The following GADL1 variants were observed in gnomAD, a reference collection of about 807,000 sequenced individuals.
GADL1 encodes GAD like acidic amino acid decarboxylase 1.
GADL1 carries 71 observed loss-of-function variants against 69.5 expected under a neutral mutation model. The ratio of observed to expected loss-of-function variants is 1.02; its 90% CI spans 0.84 to 1.25. The LOEUF (loss-of-function observed/expected upper bound fraction) is 1.25. Among genes scored for constraint, GADL1 ranks in the 50% most tolerant of loss-of-function variants. GADL1 has a pLI of 0.00. For synonymous variants in GADL1, 254 were observed against 214.4 expected (o/e 1.18, Z -1.62); for missense variants, 737 against 631.8 (o/e 1.17, Z -1.79).
chr3:30,863,101 T>G (rs762697643), intron 1 of GADL1, among the ~76,000 whole-genome samples: 5 of 151,776 alleles, frequency 3.3e-5, no homozygotes, highest in Non-Finnish European at 7.4e-5. Context: ...TCGTAATTTG[T>G]CAGGGATACC....
At chr3:30,747,912 C>G (rs909811664) in intron 14 of GADL1, among the ~76,000 whole-genome samples, 2 of 152,172 alleles carry the variant, frequency 1.3e-5, no homozygotes, top group African/African-American at 2.4e-5. Flanking sequence ...ACTAGGGCCA[C>G]TAATGATGAG....
intron 1 of GADL1, among the ~76,000 whole-genome samples, chr3:30,867,204 C>A (rs1235799488): frequency 6.6e-6 from 1 of 151,788 alleles, no homozygotes; most frequent in African/African-American, 2.4e-5. Context: ...AGCCTAGGAT[C>A]TAAAATTTCA....
At chr3:30,819,728 A>G (rs1302343583) in intron 11 of GADL1, among the ~76,000 whole-genome samples, 1 of 152,148 alleles carries the variant, frequency 6.6e-6, no homozygotes, top group Non-Finnish European at 1.5e-5. Context: ...AAGAAAAGTA[A>G]TTGGAAAAAA....
At chr3:30,820,095 T>C (rs1304549797) in intron 11 of GADL1, among the ~76,000 whole-genome samples, 1 of 151,888 alleles carries the variant, frequency 6.6e-6, no homozygotes, top group African/African-American at 2.4e-5. Flanking sequence ...ATTATGTACA[T>C]GGAGGCAAAA....
At chr3:30,787,209 C>A (rs1393133697) in intron 12 of GADL1, among the ~76,000 whole-genome samples, 2 of 144,442 alleles carry the variant, frequency 1.4e-5, no homozygotes, top group Admixed American at 6.8e-5. Flanking sequence ...AAAAAAATTA[C>A]CTGAATATGA....
rs373300166 is a variant in GADL1, at chr3:30,844,207, C to T, written c.786+3G>A. 734 of 1,611,426 alleles carry T rather than the reference C, an allele frequency of 4.6e-4. No individual in the cohort carries two copies. The highest frequency in any genetic ancestry group is 5.9e-4 in the Non-Finnish European group (698 of 1,178,534). ...CTCTCCCTCTCGCTTTCTCCCCTCT[C>T]ACCTCTTTTCTGGCTTGCCAGACTT... On this transcript the variant is annotated splice_donor_region_variant and intron_variant, in intron 8 of 14. Transcript: ENST00000282538.
At chr3:30,829,107 G>T (rs905635033) in intron 11 of GADL1, among the ~76,000 whole-genome samples, 2 of 151,752 alleles carry the variant, frequency 1.3e-5, no homozygotes, top group African/African-American at 4.8e-5. Context: ...TTAGATCAAA[G>T]CATCAAAACT....
chr3:30,762,866 T>TAAAG lies in GADL1; in HGVS notation c.1392+15312_1392+15313insCTTT, dbSNP rs1283951380. On this transcript the variant is annotated intron_variant, in intron 14 of 14. Transcript: ENST00000282538. ...TAGTCTTTCTTTTCCTTGCTTTATT[T>TAAAG]CACTTAACATTACAATCTCCAGTTC... Among the ~76,000 whole-genome samples, 13 of 152,214 alleles carry TAAAG rather than the reference T, an allele frequency of 8.5e-5. 1 individual carries two copies. Among genetic ancestry groups the TAAAG allele is most frequent in the African/African-American group, 3.1e-4 (13 of 41,452 alleles).
intron 11 of GADL1, among the ~76,000 whole-genome samples, chr3:30,829,288 T>C (rs937096178): frequency 2.0e-5 from 3 of 151,886 alleles, no homozygotes; most frequent in Admixed American, 6.6e-5. Context: ...GCATCAGCTG[T>C]GCTTTGTTCC....
At chr3:30,869,751 C>T (rs1377027237) in intron 1 of GADL1, among the ~76,000 whole-genome samples, 2 of 151,720 alleles carry the variant, frequency 1.3e-5, no homozygotes, top group African/African-American at 4.8e-5. Context: ...CTCATACTTT[C>T]ATGAGATAGT....
At chr3:30,799,410 T>C (rs1354114583) in intron 12 of GADL1, 2 of 152,246 alleles carry the variant, frequency 1.3e-5, no homozygotes, top group African/African-American at 2.4e-5. Context: ...CTTTTAGCAA[T>C]GGCTGGAGCA....
chr3:30,761,470 G>GGA (rs756906627), intron 14 of GADL1, among the ~76,000 whole-genome samples: 1 of 124,054 alleles, frequency 8.1e-6, no homozygotes, highest in Non-Finnish European at 1.8e-5. Flanking sequence ...AGAACCTGGG[G>GGA]GATAGATATG....
chr3:30,846,962 C>A (rs1432661825), intron 6 of GADL1, among the ~76,000 whole-genome samples: 5 of 152,168 alleles, frequency 3.3e-5, no homozygotes, highest in African/African-American at 9.6e-5. Flanking sequence ...GAGGAGCTAG[C>A]CCATTGATTA....
chr3:30,781,457 TAATA>T (rs1203840496), intron 13 of GADL1, among the ~76,000 whole-genome samples: 1 of 152,200 alleles, frequency 6.6e-6, no homozygotes. Flanking sequence ...TATTCTGTTT[TAATA>T]AATGTAAATG....
chr3:30,761,336 T>C (rs1175026255), intron 14 of GADL1, among the ~76,000 whole-genome samples: 2 of 152,070 alleles, frequency 1.3e-5, no homozygotes, highest in Non-Finnish European at 2.9e-5. Context: ...ATTGGTGAAT[T>C]CTAGACACAA....
intron 14 of GADL1, among the ~76,000 whole-genome samples, chr3:30,756,336 A>T (rs1695968525): frequency 6.6e-6 from 1 of 152,212 alleles, no homozygotes; most frequent in Non-Finnish European, 1.5e-5. Flanking sequence ...ATTCGTTGCC[A>T]AGTCCAAGTG....
intron 14 of GADL1, among the ~76,000 whole-genome samples, chr3:30,774,118 A>G (rs1696480309): frequency 6.6e-6 from 1 of 152,132 alleles, no homozygotes; most frequent in Non-Finnish European, 1.5e-5. Context: ...ATGGTACAAC[A>G]TTCCTAGGGA....
At chr3:30,796,393 A>G (rs1435743347) in intron 12 of GADL1, among the ~76,000 whole-genome samples, 3 of 152,276 alleles carry the variant, frequency 2.0e-5, no homozygotes, top group Non-Finnish European at 4.4e-5. Context: ...ACCTTCATCT[A>G]GGATCAGTAC....
intron 6 of GADL1, 147 bp from the exon 7 acceptor site, chr3:30,844,613 T>G: frequency 1.6e-6 from 1 of 628,628 alleles, no homozygotes; most frequent in Non-Finnish European, 2.8e-6. Flanking sequence ...TTGAGCTCCT[T>G]AGCATAGTGG....
Sources: gnomAD v4.1 joint callset for allele counts (sites outside exome capture counted in the v4.1 genomes callset) on GRCh38, gnomAD v4.1.1 for gene constraint, MANE v1.5 for transcripts, NCBI Gene and HGNC (gene_info 2026-07-23, HGNC 2026-07-21) for gene names.